APP: variants seen among roughly 807,000 people sequenced by gnomAD.
APP encodes the protein amyloid beta precursor protein, also known as amyloid-beta precursor protein.
In APP, 31 loss-of-function variants were observed where a neutral mutation model predicts 101.4. The observed-to-expected ratio is 0.31, with a 90% confidence interval of 0.23 to 0.41. APP has a LOEUF of 0.41. Ranked by LOEUF, APP falls within the 10% of genes least tolerant of loss-of-function variation. The pLI is 1.00. For missense variants in APP, 839 were observed against 1,003.7 expected, an observed-to-expected ratio of 0.84 and a Z score of 2.22; for synonymous variants, 366 against 364.4, an observed-to-expected ratio of 1.00 and a Z score of -0.05.
At chr21:25,927,247 C>A (rs1402886900) in intron 13 of APP, among the ~76,000 whole-genome samples, 1 of 152,140 alleles carries the variant, frequency 6.6e-6, no homozygotes, top group African/African-American at 2.4e-5. Flanking sequence ...TTTGCTTGGA[C>A]AGCCCATTCT....
At chr21:25,924,737 C>A (rs941721750) in intron 13 of APP, among the ~76,000 whole-genome samples, 4 of 151,740 alleles carry the variant, frequency 2.6e-5, no homozygotes, top group Admixed American at 2.6e-4. Flanking sequence ...ATGTAACAAA[C>A]CTGCATGCTC....
intron 1 of APP, among the ~76,000 whole-genome samples, chr21:26,131,543 A>T (rs954465888): frequency 6.6e-6 from 1 of 152,206 alleles, no homozygotes; most frequent in Admixed American, 6.5e-5. Flanking sequence ...GGCATGCTTA[A>T]ATAAGGGAAA....
chr21:26,004,464 TCG>T (rs1568841321), intron 6 of APP, among the ~76,000 whole-genome samples: 13 of 262 alleles, frequency 0.05, no homozygotes, highest in Admixed American at 0.17. Flanking sequence ...CTAATTTTTT[TCG>T]ATTTTTTAGT....
intron 6 of APP, 28 bp from the exon 7 acceptor site, chr21:26,000,210 A>T (rs1568834708): frequency 6.2e-7 from 1 of 1,613,626 alleles, no homozygotes; most frequent in Admixed American, 1.7e-5. Flanking sequence ...GGGGAACCAC[A>T]TTTAGCATGA....
chr21:25,989,966 A>G (rs2146633965), intron 8 of APP, among the ~76,000 whole-genome samples: 1 of 152,112 alleles, frequency 6.6e-6, no homozygotes, highest in African/African-American at 2.4e-5. Flanking sequence ...TTTCAAAAAT[A>G]GTTAAAACTC....
chr21:26,042,800 T>C (rs1206523497), intron 5 of APP, among the ~76,000 whole-genome samples: 1 of 151,984 alleles, frequency 6.6e-6, no homozygotes, highest in Non-Finnish European at 1.5e-5. Context: ...TTTGTAGTCT[T>C]AGCCATTTGG....
At chr21:26,118,213 G>A (rs1459661157) in intron 1 of APP, among the ~76,000 whole-genome samples, 3 of 152,218 alleles carry the variant, frequency 2.0e-5, no homozygotes, top group African/African-American at 2.4e-5. Context: ...TTCACTACTC[G>A]TGAAATTAAT....
rs1341294027 is a variant in APP at position 25,920,408 on chromosome 21, CT to C, written c.1688-8447del. Among the ~76,000 whole-genome samples the C allele has an allele frequency of 1.6e-3, 249 of 152,258 alleles. 3 individuals carry two copies. The highest frequency in any genetic ancestry group is 5.8e-3 in the African/African-American group (241 of 41,554). ...ACTTTAAATGTAAATGGACTAAATT[CT>C]GCAATTAAAAGACACAGACTGGCAA... On this transcript the variant is annotated intron_variant, in intron 13 of 17. Coordinates refer to ENST00000346798, the MANE Select transcript of APP (RefSeq NM_000484.4).
Position 25,905,019 on chromosome 21 carries a change from G to A in APP, c.1963+5C>T, listed in dbSNP as rs776399216. ...GGAGAGGCACAAGTCAAGCGGTTCTGATACCTGGTCGAGTGGTCAGTCCTC... is the reference window on the plus strand; with the variant it reads ...GGAGAGGCACAAGTCAAGCGGTTCTAATACCTGGTCGAGTGGTCAGTCCTC... On this transcript the variant is annotated splice_donor_5th_base_variant and intron_variant, in intron 15 of 17. Transcript: ENST00000346798. 1 of 1,613,648 alleles carries A rather than the reference G, an allele frequency of 6.2e-7. No homozygotes were observed. The highest frequency in any genetic ancestry group is 8.5e-7 in the Non-Finnish European group (1 of 1,179,770).
At chr21:26,046,411 TA>T (rs1055185731) in intron 5 of APP, among the ~76,000 whole-genome samples, 12 of 119,264 alleles carry the variant, frequency 1.0e-4, no homozygotes, top group Admixed American at 1.8e-4. Context: ...AACTTCATCT[TA>T]AAAAAAAAAG....
chr21:26,111,863 G>A, intron 2 of APP, 116 bp downstream of exon 2: 1 of 1,068,648 alleles, frequency 9.4e-7, no homozygotes, highest in Non-Finnish European at 1.5e-6. Flanking sequence ...GAATCATTAG[G>A]AACCAAGATT....
At chr21:25,891,036 C>T (rs188670621) in intron 17 of APP, among the ~76,000 whole-genome samples, 1 of 152,310 alleles carries the variant, frequency 6.6e-6, no homozygotes, top group East Asian at 1.9e-4. Flanking sequence ...TTTCCCCCAT[C>T]CAAATGGCAT....
At chr21:25,949,114 TA>T (rs1416112717) in intron 13 of APP, among the ~76,000 whole-genome samples, 1 of 152,112 alleles carries the variant, frequency 6.6e-6, no homozygotes, top group Non-Finnish European at 1.5e-5. Flanking sequence ...AAAACATTAA[TA>T]AATGACTGAG....
intron 1 of APP, among the ~76,000 whole-genome samples, chr21:26,163,771 GTA>G (rs1349969481): frequency 6.6e-6 from 1 of 152,142 alleles, no homozygotes; most frequent in Non-Finnish European, 1.5e-5. Flanking sequence ...TTTAACCACA[GTA>G]TCACCAGTTT....
At chr21:25,974,259 G>A (rs527314726) in intron 11 of APP, among the ~76,000 whole-genome samples, 8 of 152,180 alleles carry the variant, frequency 5.3e-5, no homozygotes, top group African/African-American at 1.9e-4. Context: ...CTTGACCTTA[G>A]TTATATTATT....
intron 13 of APP, among the ~76,000 whole-genome samples, chr21:25,935,479 AC>A: frequency 6.6e-6 from 1 of 152,264 alleles, no homozygotes; most frequent in East Asian, 1.9e-4. Context: ...GGTTTGTCAC[AC>A]TATACTTTGT....
intron 9 of APP, among the ~76,000 whole-genome samples, chr21:25,977,767 A>G (rs996659570): frequency 6.6e-6 from 1 of 152,264 alleles, no homozygotes; most frequent in African/African-American, 2.4e-5. Flanking sequence ...ATGAACAAGA[A>G]TAGAACATGG....
Position 26,065,691 on chromosome 21 carries a change from C to T in APP, c.356-12343G>A, listed in dbSNP as rs549001353. ...ATGTTCAGGACCCCAAGAAATGTTACAGTAGTCTTACTAATTTTGAATGAC... is the reference window on the plus strand; with the variant it reads ...ATGTTCAGGACCCCAAGAAATGTTATAGTAGTCTTACTAATTTTGAATGAC... On this transcript the variant is annotated intron_variant, in intron 3 of 17. Coordinates refer to ENST00000346798, the MANE Select transcript of APP (RefSeq NM_000484.4). 3.3e-5 allele frequency among the ~76,000 whole-genome samples: 5 copies of T among 152,284 alleles called. No homozygotes were observed. In the South Asian group the frequency reaches 8.3e-4, roughly 25 times the overall value.
At chr21:26,096,709 G>C (rs2061949784) in intron 2 of APP, among the ~76,000 whole-genome samples, 1 of 152,126 alleles carries the variant, frequency 6.6e-6, no homozygotes, top group Non-Finnish European at 1.5e-5. Context: ...CGAGGAGGTC[G>C]AGGCTGCAGT....
Sources: gnomAD v4.1 joint callset for allele counts (sites outside exome capture counted in the v4.1 genomes callset) on GRCh38, gnomAD v4.1.1 for gene constraint, MANE v1.5 for transcripts, NCBI Gene and HGNC (gene_info 2026-07-23, HGNC 2026-07-21) for gene names.